The following USP54 variants were observed in gnomAD, a reference collection of about 807,000 sequenced individuals.
USP54 encodes the protein ubiquitin specific peptidase 54.
Under a neutral mutation model 170.5 loss-of-function variants are expected in USP54, and 87 were observed. That is an observed-to-expected ratio of 0.51 (90% CI 0.43 to 0.61). The LOEUF (loss-of-function observed/expected upper bound fraction) is 0.61. USP54 is among the 20% of genes least tolerant of loss of function. The probability of loss-of-function intolerance (pLI) is 0.00; values close to 1 mark genes in which losing one functional copy is unlikely to be tolerated. For synonymous variants in USP54, 655 were observed against 742.8 expected, an observed-to-expected ratio of 0.88 and a Z score of 1.92; for missense variants, 1,786 against 2,047.8, an observed-to-expected ratio of 0.87 and a Z score of 2.47.
At chr10:73,613,292 C>T (rs2132321386) in intron 1 of USP54, among the ~76,000 whole-genome samples, 1 of 151,660 alleles carries the variant, frequency 6.6e-6, no homozygotes, top group Non-Finnish European at 1.5e-5. Context: ...CCACCATGCC[C>T]AGCTAATTTT....
intron 4 of USP54, among the ~76,000 whole-genome samples, chr10:73,559,413 A>G (rs1184626991): frequency 1.3e-5 from 2 of 152,076 alleles, no homozygotes; most frequent in Non-Finnish European, 2.9e-5. Context: ...ATACAAAATT[A>G]GCCAGGCATG....
At chr10:73,559,559 TAAA>T (rs574245246) in intron 4 of USP54, among the ~76,000 whole-genome samples, 5 of 106,222 alleles carry the variant, frequency 4.7e-5, no homozygotes, top group Admixed American at 9.6e-5. Flanking sequence ...AAACTCCACC[TAAA>T]AAAAAAAAAA....
At chr10:73,505,726 C>T (rs147633224) in intron 20 of USP54, 2,703 of 191,902 alleles carry the variant, frequency 0.014, 33 homozygotes, top group Non-Finnish European at 0.019. Context: ...AAAAATTAGC[C>T]GGGCGTGGTG....
At chr10:73,608,026 C>G (rs899602207) in intron 1 of USP54, among the ~76,000 whole-genome samples, 3 of 152,016 alleles carry the variant, frequency 2.0e-5, no homozygotes, top group Admixed American at 6.6e-5. Flanking sequence ...ATTTGGGAGG[C>G]CAAGGCGGGT....
rs760404509 is a variant in USP54 at position 73,539,623 on chromosome 10, A to G, written c.826-30T>C. ...GGGGAAAGAAGAGAAAAGAAAGCACAGTCACATATTCAACCATTCCACATC... is the reference window on the plus strand; with the variant it reads ...GGGGAAAGAAGAGAAAAGAAAGCACGGTCACATATTCAACCATTCCACATC... On this transcript the variant is annotated intron_variant, in intron 9 of 23. Coordinates refer to ENST00000687698, the MANE Select transcript of USP54 (RefSeq NM_001391956.1). 5.1e-6 allele frequency: 8 copies of G among 1,562,912 alleles called. No homozygotes were observed. The South Asian group carries it at 8.5e-5, about 17-fold the overall frequency.
At chr10:73,503,875 A>G (rs1003929236) in intron 22 of USP54, among the ~76,000 whole-genome samples, 1 of 152,066 alleles carries the variant, frequency 6.6e-6, no homozygotes, top group African/African-American at 2.4e-5. Context: ...TAGGACTACA[A>G]GCACCCCCCA....
At position 73,520,062 on chromosome 10, in the gene USP54, G is replaced by GA. The variant is rs969972104; in HGVS notation, c.2483-71dup. Reference sequence around the variant, plus strand: ...AAATAAAAATAAAAAGAATAAAATTGAAAAAAAATGAGCAAAGATATGCAG... The same window carrying GA: ...AAATAAAAATAAAAAGAATAAAATTGAAAAAAAAATGAGCAAAGATATGCAG... On this transcript the variant is annotated intron_variant, in intron 18 of 23. Transcript: ENST00000687698. 17 of 1,517,594 alleles carry GA rather than the reference G, an allele frequency of 1.1e-5. 1 individual carries two copies. The highest frequency in any genetic ancestry group is 1.9e-4 in the Middle Eastern group (1 of 5,266). The allele number at this position is 1,517,594 out of a possible 1,614,324, so 94.0% of individuals were successfully genotyped here. A position where few individuals can be genotyped will look rare whatever the true frequency, so the allele number is the denominator to read the frequency against.
At chr10:73,579,873 G>A (rs534362387) in intron 1 of USP54, among the ~76,000 whole-genome samples, 1 of 152,208 alleles carries the variant, frequency 6.6e-6, no homozygotes, top group East Asian at 1.9e-4. Flanking sequence ...ATGGAAAGAT[G>A]TTCAACATTA....
intron 1 of USP54, among the ~76,000 whole-genome samples, chr10:73,624,768 T>C (rs78810110): frequency 6.6e-6 from 1 of 152,194 alleles, no homozygotes; most frequent in African/African-American, 2.4e-5. Context: ...AGACTAGATG[T>C]TTTCCCCTCT....
At chr10:73,600,257 C>T (rs2079064300) in intron 1 of USP54, among the ~76,000 whole-genome samples, 1 of 151,994 alleles carries the variant, frequency 6.6e-6, no homozygotes, top group Non-Finnish European at 1.5e-5. Flanking sequence ...CAGGATTGCA[C>T]ATAAAATTTT....
chr10:73,543,460 G>A (rs1378365530), intron 5 of USP54, among the ~76,000 whole-genome samples: 6 of 151,988 alleles, frequency 3.9e-5, no homozygotes, highest in Admixed American at 1.3e-4. Flanking sequence ...TCCACCTCCC[G>A]GGTTCACGCC....
chr10:73,549,396 T>C (rs1384873315), intron 4 of USP54, among the ~76,000 whole-genome samples: 4 of 152,226 alleles, frequency 2.6e-5, no homozygotes, highest in African/African-American at 9.6e-5. Context: ...GACGTCTACA[T>C]TTGAATATCA....
At chr10:73,618,741 CAAAAAAAAAAA>C (rs1320519590) in intron 1 of USP54, among the ~76,000 whole-genome samples, 1 of 58,518 alleles carries the variant, frequency 1.7e-5, no homozygotes, top group Non-Finnish European at 3.6e-5. Context: ...GACTCCATCT[CAAAAAAAAAAA>C]AAAAAAAAAA....
At chr10:73,598,810 C>T (rs1256925345) in intron 1 of USP54, among the ~76,000 whole-genome samples, 1 of 152,208 alleles carries the variant, frequency 6.6e-6, no homozygotes, top group Admixed American at 6.5e-5. Flanking sequence ...GTCCCAGCTA[C>T]TTGGGAGGCT....
At chr10:73,568,446 C>G (rs2074327919) in intron 4 of USP54, among the ~76,000 whole-genome samples, 1 of 152,128 alleles carries the variant, frequency 6.6e-6, no homozygotes, top group Non-Finnish European at 1.5e-5. Context: ...CCAAATTAGT[C>G]TATCTGCATT....
intron 23 of USP54, chr10:73,499,459 C>G: frequency 2.5e-6 from 1 of 398,500 alleles, no homozygotes; most frequent in Non-Finnish European, 4.5e-6. Flanking sequence ...CTCTCATCCA[C>G]TATACACACA....
intron 1 of USP54, among the ~76,000 whole-genome samples, chr10:73,576,718 C>T (rs77602688): frequency 0.035 from 5,361 of 152,212 alleles, 152 homozygotes; most frequent in South Asian, 0.11. Flanking sequence ...ACTGAAAGTT[C>T]CTTTTGGACA....
At chr10:73,542,927 A>G in intron 6 of USP54, 42 bp from the exon 7 acceptor site, 1 of 1,613,168 alleles carries the variant, frequency 6.2e-7, no homozygotes, top group East Asian at 2.2e-5. Flanking sequence ...AACCATAATC[A>G]GGAACTGTTT....
At chr10:73,545,695 G>C (rs562611671) in intron 4 of USP54, 23 bp from the exon 5 acceptor site, 1 of 1,609,314 alleles carries the variant, frequency 6.2e-7, no homozygotes, top group South Asian at 1.1e-5. Flanking sequence ...GGTTAGACAA[G>C]AGAAAAAGTA....
Sources: gnomAD v4.1 joint callset for allele counts (sites outside exome capture counted in the v4.1 genomes callset) on GRCh38, gnomAD v4.1.1 for gene constraint, MANE v1.5 for transcripts, NCBI Gene and HGNC (gene_info 2026-07-23, HGNC 2026-07-21) for gene names.